Variants in MAP3K4 observed in about 807,000 individuals in gnomAD.
The protein encoded by MAP3K4 is MAP three kinase 1.
In MAP3K4, 67 loss-of-function variants were observed where a neutral mutation model predicts 185.6. The observed-to-expected ratio is 0.36, with a 90% CI of 0.30 to 0.44. The LOEUF is 0.44. Among genes scored for constraint, MAP3K4 ranks in the 20% least tolerant of loss-of-function variants. The pLI is 1.00. For synonymous variants in MAP3K4, 702 were observed against 710.4 expected (o/e 0.99, Z 0.19); for missense variants, 1,551 against 1,995.1 (o/e 0.78, Z 4.24).
chr6:161,000,762 TAC>T (rs1018521441), intron 1 of MAP3K4, among the ~76,000 whole-genome samples: 7 of 151,138 alleles, frequency 4.6e-5, no homozygotes, highest in Non-Finnish European at 7.4e-5. Flanking sequence ...CCCATCTGTA[TAC>T]ACACATATGT....
At chr6:161,033,981 A>G (rs1367703540) in intron 1 of MAP3K4, among the ~76,000 whole-genome samples, 2 of 152,196 alleles carry the variant, frequency 1.3e-5, no homozygotes, top group African/African-American at 4.8e-5. Context: ...TGTGTTAGAA[A>G]GAGCTCTATA....
rs1409177024 is a variant in MAP3K4, at chr6:161,043,406, T to C, written c.344-5210T>C. On this transcript the variant is annotated intron_variant, in intron 2 of 26. Coordinates refer to ENST00000392142, the MANE Select transcript of MAP3K4 (RefSeq NM_005922.4). The surrounding 1 kb of genome is among the most constrained non-coding windows in gnomAD (Gnocchi z 4.3). ...TTAAGCCTTTACAGACTAGTTAGCC[T>C]GTGTAATCTTTTGTGGTACTCGCTG... Among the ~76,000 whole-genome samples, 2 of 152,208 alleles carry C rather than the reference T, an allele frequency of 1.3e-5. No homozygotes were observed. The highest frequency in any genetic ancestry group is 1.3e-4 in the Admixed American group (2 of 15,286).
rs974172959 is a variant in MAP3K4 at position 161,007,920 on chromosome 6, T to C, written c.152+15837T>C. 6.6e-6 allele frequency among the ~76,000 whole-genome samples: 1 copy of C among 152,206 alleles called. No homozygotes were observed. Among genetic ancestry groups the C allele is most frequent in the Non-Finnish European group, 1.5e-5 (1 of 68,036 alleles). On this transcript the variant is annotated intron_variant, in intron 1 of 26. Transcript: ENST00000392142. The surrounding 1 kb of genome is among the most constrained non-coding windows in gnomAD (Gnocchi z 4.5). ...GGGTACGGTGAAATATCAGAGATGT[T>C]AAAATTAGGGAAAAACGTGTGTTTT...
Position 161,106,795 on chromosome 6 carries a change from C to G in MAP3K4, c.4048+90C>G. Reference sequence around the variant, plus strand: ...TTTAGGTTGAATCCTATAGAGTTGGCCCTTTTTTCTTGTAGACATAGCAAG... The same window carrying G: ...TTTAGGTTGAATCCTATAGAGTTGGGCCTTTTTTCTTGTAGACATAGCAAG... On this transcript the variant is annotated intron_variant, in intron 20 of 26. Coordinates refer to ENST00000392142, the MANE Select transcript of MAP3K4 (RefSeq NM_005922.4). The surrounding 1 kb of genome is among the most constrained non-coding windows in gnomAD (Gnocchi z 4.9). The G allele has an allele frequency of 9.3e-7, 1 of 1,076,594 alleles. No individual in the cohort carries two copies. Among genetic ancestry groups the G allele is most frequent in the Admixed American group, 2.6e-5 (1 of 37,886 alleles). The allele number at this position is 1,076,594 out of a possible 1,614,324, so 66.7% of individuals were successfully genotyped here. A position where few individuals can be genotyped will look rare whatever the true frequency, so the allele number is the denominator to read the frequency against.
intron 3 of MAP3K4, among the ~76,000 whole-genome samples, chr6:161,069,936 T>TG (rs1784864848): frequency 6.6e-6 from 1 of 150,896 alleles, no homozygotes; most frequent in African/African-American, 2.4e-5. Flanking sequence ...CCCTACTTTA[T>TG]GGGGAAAGGT....
chr6:161,108,205 G>A lies in MAP3K4; in HGVS notation c.4119+236G>A, dbSNP rs1778186478. On this transcript the variant is annotated intron_variant, in intron 21 of 26. Coordinates refer to ENST00000392142, the MANE Select transcript of MAP3K4 (RefSeq NM_005922.4). The surrounding 1 kb of genome is among the most constrained non-coding windows in gnomAD (Gnocchi z 5.7). ...GACAGTTCTAACAGCACAGGTGTGA[G>A]AAGGGCCTATGAGGGTGGCAGAGCT... 6.6e-6 allele frequency among the ~76,000 whole-genome samples: 1 copy of A among 152,244 alleles called. No homozygotes were observed.
chr6:161,060,194 A>G (rs945951431), intron 3 of MAP3K4, among the ~76,000 whole-genome samples: 17 of 152,128 alleles, frequency 1.1e-4, no homozygotes, highest in Admixed American at 9.8e-4. Flanking sequence ...TTTATTATTC[A>G]TTTCATTTAT....
At chr6:161,044,432 T>C (rs1169486731) in intron 2 of MAP3K4, among the ~76,000 whole-genome samples, 1 of 152,156 alleles carries the variant, frequency 6.6e-6, no homozygotes, top group African/African-American at 2.4e-5. Context: ...AGGCTTTTGG[T>C]TGTTATTAAA....
rs941141359 is a variant in MAP3K4 at position 161,053,293 on chromosome 6, A to G, written c.1707+3314A>G. On this transcript the variant is annotated intron_variant, in intron 3 of 26. Coordinates refer to ENST00000392142, the MANE Select transcript of MAP3K4 (RefSeq NM_005922.4). The surrounding 1 kb of genome is among the most constrained non-coding windows in gnomAD (Gnocchi z 4.2). ...CCATCATGAGAACAGCACCAATGGG[A>G]TGGTACTAAACGGTCACCTCCCACC... Among the ~76,000 whole-genome samples the G allele has an allele frequency of 3.3e-5, 5 of 152,260 alleles. No homozygotes were observed. Among genetic ancestry groups the G allele is most frequent in the African/African-American group, 1.2e-4 (5 of 41,540 alleles).
In MAP3K4 at chr6:161,076,859, G is replaced by A. The variant is rs1020286739; in HGVS notation, c.2097+3247G>A. 6.6e-6 allele frequency among the ~76,000 whole-genome samples: 1 copy of A among 152,266 alleles called. No homozygotes were observed. Among genetic ancestry groups the A allele is most frequent in the African/African-American group, 2.4e-5 (1 of 41,550 alleles). ...ATGCGGGGACCAAGGAACTAGTGCC[G>A]AGCGTAAACTCCCTCTTAGAGTTTA... On this transcript the variant is annotated intron_variant, in intron 5 of 26. Coordinates refer to ENST00000392142, the MANE Select transcript of MAP3K4 (RefSeq NM_005922.4). This position sits in a 1 kb window ranked among gnomAD's most constrained non-coding sequence, Gnocchi z 4.2.
At chr6:161,031,180 A>G (rs1389682044) in intron 1 of MAP3K4, among the ~76,000 whole-genome samples, 1 of 152,230 alleles carries the variant, frequency 6.6e-6, no homozygotes, top group Non-Finnish European at 1.5e-5. Context: ...ATGTATAAGG[A>G]TAAGACAGAT....
rs1372267066 is a variant in MAP3K4 at position 161,034,418 on chromosome 6, G to A, written c.312G>A (p.Val104=). 1.9e-6 allele frequency: 3 copies of A among 1,613,714 alleles called. No homozygotes were observed. Among genetic ancestry groups the A allele is most frequent in the Non-Finnish European group, 2.5e-6 (3 of 1,179,850 alleles). ...RMSTKHQRNN[V]GRPASRSNLK... ...CAACCAAACATCAGAGGAATAATGTGGGGAGGCCAGCCAGTCGGTCTAATT... is the reference window on the plus strand; with the variant it reads ...CAACCAAACATCAGAGGAATAATGTAGGGAGGCCAGCCAGTCGGTCTAATT... Residue 104 remains valine (V), a synonymous_variant, in exon 2 of 27, where the codon GTG becomes GTA. Coordinates refer to ENST00000392142, the MANE Select transcript of MAP3K4 (RefSeq NM_005922.4). The surrounding 1 kb of genome is among the most constrained non-coding windows in gnomAD (Gnocchi z 4.4).
chr6:161,041,895 G>A (rs1366977993), intron 2 of MAP3K4, among the ~76,000 whole-genome samples: 1 of 147,946 alleles, frequency 6.8e-6, no homozygotes, highest in Admixed American at 6.7e-5. Flanking sequence ...GAGGGTAAAG[G>A]CCTTGAGTTA....
chr6:161,067,714 A>G lies in MAP3K4; in HGVS notation c.1708-2894A>G, dbSNP rs145157617. On this transcript the variant is annotated intron_variant, in intron 3 of 26. Coordinates refer to ENST00000392142, the MANE Select transcript of MAP3K4 (RefSeq NM_005922.4). The surrounding 1 kb of genome is among the most constrained non-coding windows in gnomAD (Gnocchi z 6.3). ...GTTTGATGTCAGGTTATAATAGACT[A>G]AACGTCTGTGTTTTAAGAGACAAGA... is the stretch of plus-strand genomic sequence containing the variant. Among the ~76,000 whole-genome samples the G allele has an allele frequency of 9.3e-4, 141 of 152,342 alleles. No individual in the cohort carries two copies. Among genetic ancestry groups the G allele is most frequent in the African/African-American group, 3.2e-3 (132 of 41,574 alleles).
At chr6:161,010,213 C>T (rs1241528877) in intron 1 of MAP3K4, among the ~76,000 whole-genome samples, 1 of 152,098 alleles carries the variant, frequency 6.6e-6, no homozygotes, top group Non-Finnish European at 1.5e-5. Context: ...CCCGAAGTGC[C>T]TGGTACTATA....
rs759729404 is a variant in MAP3K4, at chr6:161,074,462, T to C, written c.2097+850T>C. On this transcript the variant is annotated intron_variant, in intron 5 of 26. Coordinates refer to ENST00000392142, the MANE Select transcript of MAP3K4 (RefSeq NM_005922.4). The surrounding 1 kb of genome is among the most constrained non-coding windows in gnomAD (Gnocchi z 5.0). ...TCTCTAGAAAGCTTTATCTGACAGT[T>C]TTAACTTTTAGTCTGTGTTTATACC... Among the ~76,000 whole-genome samples the C allele has an allele frequency of 6.6e-6, 1 of 152,212 alleles. No individual in the cohort carries two copies. Among genetic ancestry groups the C allele is most frequent in the Non-Finnish European group, 1.5e-5 (1 of 68,042 alleles).
At position 161,115,428 on chromosome 6, in the gene MAP3K4, T is replaced by C; in HGVS notation, c.4806+126T>C. The C allele has an allele frequency of 1.1e-6, 1 of 881,426 alleles. No individual in the cohort carries two copies. The allele number at this position is 881,426 out of a possible 1,614,324, so 54.6% of individuals were successfully genotyped here. On this transcript the variant is annotated intron_variant, in intron 26 of 26. Coordinates refer to ENST00000392142, the MANE Select transcript of MAP3K4 (RefSeq NM_005922.4). The surrounding 1 kb of genome is among the most constrained non-coding windows in gnomAD (Gnocchi z 6.0). ...CTGAAGTGGAAAGGAACTAAATGTA[T>C]TATTATGCCAGGGATTTTTGTATGT...
At position 161,064,841 on chromosome 6, in the gene MAP3K4, G is replaced by T. The variant is rs1239467225; in HGVS notation, c.1708-5767G>T. Among the ~76,000 whole-genome samples the T allele has an allele frequency of 1.3e-5, 2 of 152,174 alleles. No individual in the cohort carries two copies. Among genetic ancestry groups the T allele is most frequent in the African/African-American group, 2.4e-5 (1 of 41,440 alleles). Reference sequence around the variant, plus strand: ...TGGAGGGTACACGGCACGCCTACAGGCCGCTCATGCAGAGGTCAGGAAGTG... The same window carrying T: ...TGGAGGGTACACGGCACGCCTACAGTCCGCTCATGCAGAGGTCAGGAAGTG... On this transcript the variant is annotated intron_variant, in intron 3 of 26. Coordinates refer to ENST00000392142, the MANE Select transcript of MAP3K4 (RefSeq NM_005922.4). The surrounding 1 kb of genome is among the most constrained non-coding windows in gnomAD (Gnocchi z 4.3).
At chr6:161,113,515 A>G (rs73784797) in intron 25 of MAP3K4, among the ~76,000 whole-genome samples, 3,596 of 152,266 alleles carry the variant, frequency 0.024, 119 homozygotes, top group African/African-American at 0.079. Context: ...GATGTAAACT[A>G]TGGACTTCAG....
Sources: gnomAD v4.1 joint callset for allele counts (sites outside exome capture counted in the v4.1 genomes callset) on GRCh38, gnomAD v4.1.1 for gene constraint, Gnocchi (gnomAD v3.1) non-coding constraint, MANE v1.5 for transcripts, NCBI Gene and HGNC (gene_info 2026-07-23, HGNC 2026-07-21) for gene names.